The following SLC31A1 variants were observed in gnomAD, a reference collection of about 807,000 sequenced individuals.
SLC31A1 encodes high affinity copper uptake protein 1.
SLC31A1 carries 5 observed loss-of-function variants against 17.2 expected under a neutral mutation model. That is an observed-to-expected ratio of 0.29 (90% CI 0.15 to 0.61). The LOEUF is 0.61. SLC31A1 is among the 20% of genes least tolerant of loss of function. The pLI is 0.86. For synonymous variants in SLC31A1, 76 were observed against 78.8 expected (o/e 0.96, Z 0.19); for missense variants, 161 against 241.4 (o/e 0.67, Z 2.21).
chr9:113,225,373 G>A (rs903535866), intron 1 of SLC31A1, among the ~76,000 whole-genome samples: 1 of 152,250 alleles, frequency 6.6e-6, no homozygotes, highest in South Asian at 2.1e-4. Flanking sequence ...TTGGTAGGAA[G>A]TGGAATTTTT....
chr9:113,263,263 A>G lies in SLC31A1; in HGVS notation c.*2790A>G, dbSNP rs374238390. On this transcript the variant is annotated 3_prime_UTR_variant, in exon 5 of 5. Coordinates refer to ENST00000374212, the MANE Select transcript of SLC31A1 (RefSeq NM_001859.4). ...AGGTCTTCAGGTATTCAGGATAGAG[A>G]TAATCTCCTGAAAAACCTGAATTTC... 2 of 152,242 alleles carry G rather than the reference A, an allele frequency of 1.3e-5. No individual in the cohort carries two copies. Among genetic ancestry groups the G allele is most frequent in the African/African-American group, 4.8e-5 (2 of 41,460 alleles). The allele number at this position is 152,242 out of a possible 1,614,324, so 9.4% of individuals were successfully genotyped here. A position where few individuals can be genotyped will look rare whatever the true frequency, so the allele number is the denominator to read the frequency against.
At chr9:113,245,914 G>GTGA (rs1224290909) in intron 1 of SLC31A1, among the ~76,000 whole-genome samples, 2 of 151,938 alleles carry the variant, frequency 1.3e-5, no homozygotes, top group Non-Finnish European at 2.9e-5. Flanking sequence ...GATTACAGGT[G>GTGA]TGAGCCACTG....
intron 1 of SLC31A1, among the ~76,000 whole-genome samples, chr9:113,246,732 C>G (rs1249660700): frequency 6.6e-6 from 1 of 152,036 alleles, no homozygotes; most frequent in Non-Finnish European, 1.5e-5. Flanking sequence ...GTGGCACTAT[C>G]TCAGCTCACT....
intron 1 of SLC31A1, among the ~76,000 whole-genome samples, chr9:113,253,403 G>T (rs1831683158): frequency 6.6e-6 from 1 of 152,038 alleles, no homozygotes; most frequent in Admixed American, 6.6e-5. Context: ...GACACTTTGA[G>T]CATGGTCTTT....
intron 1 of SLC31A1, among the ~76,000 whole-genome samples, chr9:113,222,176 T>C (rs1366092366): frequency 3.3e-5 from 5 of 152,184 alleles, no homozygotes; most frequent in African/African-American, 7.2e-5. Context: ...AGAGTGACTA[T>C]TGAAAGACTG....
intron 1 of SLC31A1, among the ~76,000 whole-genome samples, chr9:113,235,214 CA>C (rs1831443572): frequency 6.6e-6 from 1 of 152,014 alleles, no homozygotes; most frequent in Non-Finnish European, 1.5e-5. Context: ...ATCCAAAAGC[CA>C]ATACATGTAT....
chr9:113,221,679 G>C lies in SLC31A1; in HGVS notation c.-36+1G>C. The C allele has an allele frequency of 3.3e-6, 1 of 302,766 alleles. No individual in the cohort carries two copies. Among genetic ancestry groups the C allele is most frequent in the Non-Finnish European group, 6.5e-6 (1 of 153,732 alleles). The allele number at this position is 302,766 out of a possible 1,614,324, so 18.8% of individuals were successfully genotyped here. A position where few individuals can be genotyped will look rare whatever the true frequency, so the allele number is the denominator to read the frequency against. ...TAGTGGCTGGACTTGACCTGGAAAGGTAAGGCTTCTCTCGGCCCCTCTTTC... is the reference window on the plus strand; with the variant it reads ...TAGTGGCTGGACTTGACCTGGAAAGCTAAGGCTTCTCTCGGCCCCTCTTTC... On this transcript the variant is annotated splice_donor_variant, in intron 1 of 4. Transcript: ENST00000374212. LOFTEE classifies it low-confidence loss of function (5UTR_SPLICE).
intron 1 of SLC31A1, among the ~76,000 whole-genome samples, chr9:113,226,405 A>C (rs1831343012): frequency 6.6e-6 from 1 of 152,184 alleles, no homozygotes. Context: ...CAAAAGTCTG[A>C]TACTTAATAC....
intron 1 of SLC31A1, among the ~76,000 whole-genome samples, chr9:113,233,011 TTAAG>T (rs1831417870): frequency 6.6e-6 from 1 of 152,240 alleles, no homozygotes; most frequent in Non-Finnish European, 1.5e-5. Flanking sequence ...GACACTGTGC[TTAAG>T]TAAGTGTTTA....
chr9:113,246,115 A>G (rs1420507823), intron 1 of SLC31A1, among the ~76,000 whole-genome samples: 2 of 151,938 alleles, frequency 1.3e-5, no homozygotes, highest in East Asian at 1.9e-4. Context: ...CAGTGGTGCA[A>G]TCACCACTCA....
chr9:113,255,092 G>A (rs539489224), intron 1 of SLC31A1, among the ~76,000 whole-genome samples: 1 of 152,094 alleles, frequency 6.6e-6, no homozygotes, highest in African/African-American at 2.4e-5. Context: ...GATTGAAATT[G>A]TATCTGAAGT....
intron 1 of SLC31A1, among the ~76,000 whole-genome samples, chr9:113,240,420 C>T (rs1012158049): frequency 2.4e-4 from 36 of 152,056 alleles, no homozygotes; most frequent in African/African-American, 8.0e-4. Context: ...AAGTTTCTTG[C>T]GCTCAAGAAG....
At chr9:113,231,640 G>GA (rs1415428572) in intron 1 of SLC31A1, among the ~76,000 whole-genome samples, 1 of 151,966 alleles carries the variant, frequency 6.6e-6, no homozygotes, top group Non-Finnish European at 1.5e-5. Flanking sequence ...CACCTGGTAG[G>GA]AACAGCATTG....
intron 1 of SLC31A1, among the ~76,000 whole-genome samples, chr9:113,245,459 C>T (rs1211281789): frequency 6.6e-6 from 1 of 152,066 alleles, no homozygotes; most frequent in Non-Finnish European, 1.5e-5. Flanking sequence ...CGGCCTCTGT[C>T]AGTTAATTTG....
chr9:113,228,975 T>C (rs1338642271), intron 1 of SLC31A1, among the ~76,000 whole-genome samples: 1 of 152,082 alleles, frequency 6.6e-6, no homozygotes, highest in African/African-American at 2.4e-5. Flanking sequence ...GCCTCCCTAG[T>C]ATCTGGGATT....
At chr9:113,232,005 C>T (rs1831407715) in intron 1 of SLC31A1, among the ~76,000 whole-genome samples, 1 of 152,174 alleles carries the variant, frequency 6.6e-6, no homozygotes, top group African/African-American at 2.4e-5. Flanking sequence ...CAAATGTTTT[C>T]TTCAATGCCA....
At chr9:113,224,285 A>T (rs1831317308) in intron 1 of SLC31A1, among the ~76,000 whole-genome samples, 1 of 152,186 alleles carries the variant, frequency 6.6e-6, no homozygotes, top group African/African-American at 2.4e-5. Flanking sequence ...TATCTATGGT[A>T]TTTTTAACAT....
At position 113,261,255 on chromosome 9, in the gene SLC31A1, T is replaced by G. The variant is rs1254871034; in HGVS notation, c.*782T>G. The G allele has an allele frequency of 2.0e-5, 3 of 152,268 alleles. No homozygotes were observed. The highest frequency in any genetic ancestry group is 4.4e-5 in the Non-Finnish European group (3 of 68,258). 9.4% of individuals were successfully genotyped at this position (152,268 alleles called of 1,614,324 possible). A position where few individuals can be genotyped will look rare whatever the true frequency, so the allele number is the denominator to read the frequency against. ...CCAGCCTGGGTGACAAGAGTGAAAC[T>G]CCATCTCAAAAAAAAAGAAAAGAAG... On this transcript the variant is annotated 3_prime_UTR_variant, in exon 5 of 5. Transcript: ENST00000374212.
At position 113,223,340 on chromosome 9, in the gene SLC31A1, A is replaced by AG. The variant is rs1369019656; in HGVS notation, c.-36+1662_-36+1663insG. 1.0e-5 allele frequency: 4 copies of AG among 386,630 alleles called. No individual in the cohort carries two copies. The East Asian group carries it at 3.0e-4, about 29-fold the overall frequency. The allele number at this position is 386,630 out of a possible 1,614,324, so 23.9% of individuals were successfully genotyped here. ...ACTGGGTGCACCTAAAAAAAAAAAA[A>AG]AAGAAAGCCACTGTCTTCCTAAATT... On this transcript the variant is annotated intron_variant, in intron 1 of 4. Transcript: ENST00000374212.
Sources: allele counts gnomAD v4.1 joint callset (sites outside exome capture counted in the v4.1 genomes callset), GRCh38; gene constraint gnomAD v4.1.1; transcripts MANE v1.5; gene names NCBI Gene and HGNC (gene_info 2026-07-23, HGNC 2026-07-21).